Variants in TSPAN14 observed in about 807,000 individuals in gnomAD.
The protein encoded by TSPAN14 is tetraspanin-14.
TSPAN14 carries 16 observed loss-of-function variants against 36.6 expected under a neutral mutation model. The ratio of observed to expected loss-of-function variants is 0.44; its 90% confidence interval spans 0.30 to 0.66. The LOEUF (loss-of-function observed/expected upper bound fraction) is 0.66, where lower values mean the gene tolerates loss of function less well. Ranked by LOEUF, TSPAN14 falls within the 30% of genes least tolerant of loss-of-function variation. The pLI is 0.12. For missense variants in TSPAN14, 231 were observed against 355.1 expected, an observed-to-expected ratio of 0.65 and a Z score of 2.81; for synonymous variants, 139 against 143.8, an observed-to-expected ratio of 0.97 and a Z score of 0.24.
At chr10:80,474,246 G>A (rs1176007112) in intron 1 of TSPAN14, among the ~76,000 whole-genome samples, 1 of 152,122 alleles carries the variant, frequency 6.6e-6, no homozygotes. Context: ...TGGCTTCGGA[G>A]AATGAGAGGG....
intron 1 of TSPAN14, among the ~76,000 whole-genome samples, chr10:80,487,358 A>G (rs1315931443): frequency 6.6e-6 from 1 of 152,092 alleles, no homozygotes; most frequent in Non-Finnish European, 1.5e-5. Flanking sequence ...TGCAGATTCA[A>G]GGCTCCAACG....
At chr10:80,500,341 T>C (rs1425945061) in intron 2 of TSPAN14, among the ~76,000 whole-genome samples, 1 of 107,644 alleles carries the variant, frequency 9.3e-6, no homozygotes, top group African/African-American at 3.6e-5. Context: ...TTTTTTTTTT[T>C]TTTTTGAGAC....
chr10:80,507,417 G>T, intron 4 of TSPAN14, 43 bp downstream of exon 4: 1 of 1,613,538 alleles, frequency 6.2e-7, no homozygotes, highest in Non-Finnish European at 8.5e-7. Flanking sequence ...ATGCAATGGG[G>T]TACAGGCTCT....
At chr10:80,507,921 T>C (rs542759110) in intron 4 of TSPAN14, among the ~76,000 whole-genome samples, 139 of 152,196 alleles carry the variant, frequency 9.1e-4, no homozygotes, top group Admixed American at 1.8e-3. Flanking sequence ...TTGCAGTATA[T>C]TGTTTGTTGA....
At chr10:80,471,632 G>T (rs1846556274) in intron 1 of TSPAN14, among the ~76,000 whole-genome samples, 1 of 152,210 alleles carries the variant, frequency 6.6e-6, no homozygotes, top group Non-Finnish European at 1.5e-5. Flanking sequence ...GCCTGCTTTG[G>T]CCTAGCATCC....
At chr10:80,488,489 G>A (rs1847748232) in intron 1 of TSPAN14, among the ~76,000 whole-genome samples, 1 of 152,090 alleles carries the variant, frequency 6.6e-6, no homozygotes, top group African/African-American at 2.4e-5. Flanking sequence ...TTACAGCCCT[G>A]GAGGACAAAG....
In TSPAN14 at chr10:80,502,623, C is replaced by T. The variant is rs184657542; in HGVS notation, c.82-2105C>T. Among the ~76,000 whole-genome samples the T allele has an allele frequency of 6.0e-4, 91 of 151,812 alleles. 1 individual carries two copies. Among genetic ancestry groups the T allele is most frequent in the Admixed American group, 5.4e-3 (83 of 15,250 alleles). ...ACACTTGCTGGGTGGACGGTGGTGC[C>T]ACTGAATGAGACGGAGAAGAGTTGG... On this transcript the variant is annotated intron_variant, in intron 2 of 8. Transcript: ENST00000429989.
chr10:80,517,812 G>T, intron 8 of TSPAN14, 93 bp from the exon 9 acceptor site: 2 of 1,223,184 alleles, frequency 1.6e-6, no homozygotes, highest in Non-Finnish European at 2.4e-6. Flanking sequence ...GAGGAGAGGC[G>T]TGCAGTGGGA....
chr10:80,502,599 C>T (rs968349913), intron 2 of TSPAN14, among the ~76,000 whole-genome samples: 1 of 151,870 alleles, frequency 6.6e-6, no homozygotes, highest in Non-Finnish European at 1.5e-5. Flanking sequence ...TTCTCTCTTA[C>T]ACTTGCTGGG....
intron 1 of TSPAN14, 111 bp from the exon 2 acceptor site, chr10:80,489,106 G>A (rs988837660): frequency 8.6e-6 from 6 of 697,714 alleles, no homozygotes; most frequent in Non-Finnish European, 1.2e-5. Flanking sequence ...GACCAGTAAA[G>A]GGTCATGAGG....
intron 2 of TSPAN14, among the ~76,000 whole-genome samples, chr10:80,491,953 G>T (rs983129828): frequency 2.0e-5 from 3 of 152,176 alleles, no homozygotes; most frequent in Non-Finnish European, 4.4e-5. Flanking sequence ...CATTTGCAAT[G>T]GAGCTGGCAA....
chr10:80,515,342 C>A (rs1180530767), intron 7 of TSPAN14: 2 of 152,420 alleles, frequency 1.3e-5, no homozygotes, highest in Non-Finnish European at 2.9e-5. Flanking sequence ...CTGCAGGTGG[C>A]TGTCCTCTCC....
At chr10:80,476,173 T>C (rs7085246) in intron 1 of TSPAN14, among the ~76,000 whole-genome samples, 2,321 of 151,702 alleles carry the variant, frequency 0.015, 51 homozygotes, top group African/African-American at 0.051. Context: ...GGAGTTCGAG[T>C]CCAGCCTGGG....
intron 2 of TSPAN14, among the ~76,000 whole-genome samples, chr10:80,491,192 G>T (rs1847902094): frequency 6.6e-6 from 1 of 152,188 alleles, no homozygotes; most frequent in African/African-American, 2.4e-5. Context: ...CGATAACTTT[G>T]CACCAACATC....
intron 7 of TSPAN14, among the ~76,000 whole-genome samples, chr10:80,514,638 G>A (rs1397532665): frequency 2.0e-5 from 3 of 152,154 alleles, no homozygotes; most frequent in Non-Finnish European, 4.4e-5. Flanking sequence ...GAGTCTCGAG[G>A]AATCTTCAGA....
At chr10:80,487,523 A>C in intron 1 of TSPAN14, among the ~76,000 whole-genome samples, 1 of 152,208 alleles carries the variant, frequency 6.6e-6, no homozygotes, top group East Asian at 1.9e-4. Flanking sequence ...CTGAGAGAGC[A>C]GGGACTTGCA....
chr10:80,473,524 C>T (rs1846675089), intron 1 of TSPAN14, among the ~76,000 whole-genome samples: 1 of 152,048 alleles, frequency 6.6e-6, no homozygotes, highest in Non-Finnish European at 1.5e-5. Flanking sequence ...GCCTTGGAAG[C>T]TGGGGGCCCA....
intron 1 of TSPAN14, among the ~76,000 whole-genome samples, chr10:80,464,877 G>A (rs1454324818): frequency 6.6e-6 from 1 of 152,148 alleles, no homozygotes; most frequent in Non-Finnish European, 1.5e-5. Context: ...AGGGTGGGAG[G>A]GAACTAGAGA....
At chr10:80,520,233 T>C in exon 9 of TSPAN14, 1 of 221,880 alleles carries the variant, frequency 4.5e-6, no homozygotes, top group Non-Finnish European at 9.1e-6. Context: ...TCTATTCCTG[T>C]AGACCTGGTT....
Sources: gnomAD v4.1 joint callset for allele counts (sites outside exome capture counted in the v4.1 genomes callset) on GRCh38, gnomAD v4.1.1 for gene constraint, MANE v1.5 for transcripts, NCBI Gene and HGNC (gene_info 2026-07-23, HGNC 2026-07-21) for gene names.